The following UBE2D2 variants were observed in gnomAD, a reference collection of about 807,000 sequenced individuals.
UBE2D2 encodes the protein ubiquitin conjugating enzyme E2 D2, also known as ubiquitin-conjugating enzyme E2 D2.
A neutral mutation model predicts 24.2 loss-of-function variants in UBE2D2; 2 were observed. The observed-to-expected ratio is 0.08, with a 90% CI of 0.03 to 0.26. The LOEUF (loss-of-function observed/expected upper bound fraction) is 0.26, where lower values mean the gene tolerates loss of function less well. Ranked by LOEUF, UBE2D2 falls within the 10% of genes least tolerant of loss-of-function variation. The pLI is 1.00. For missense variants in UBE2D2, 44 were observed against 177.6 expected, an observed-to-expected ratio of 0.25 and a Z score of 4.28; for synonymous variants, 58 against 56.5, an observed-to-expected ratio of 1.03 and a Z score of -0.12.
At chr5:139,590,855 C>T (rs1753832556) in intron 1 of UBE2D2, among the ~76,000 whole-genome samples, 1 of 122,258 alleles carries the variant, frequency 8.2e-6, no homozygotes, top group Non-Finnish European at 1.6e-5. Flanking sequence ...AGTGCAGTGG[C>T]GCGATCTTGG....
chr5:139,561,933 C>A, intron 1 of UBE2D2, 118 bp downstream of exon 1: 1 of 1,365,270 alleles, frequency 7.3e-7, no homozygotes, highest in Non-Finnish European at 9.6e-7. Context: ...GGTGCTGGCC[C>A]CTCGGGGCGG....
upstream of UBE2D2, among the ~76,000 whole-genome samples, chr5:139,557,346 G>A (rs796675605): frequency 2.6e-4 from 40 of 151,980 alleles, 1 homozygote; most frequent in African/African-American, 9.2e-4. Context: ...TGTTGGCCAG[G>A]TCAGTCTTGA....
At chr5:139,552,570 G>A (rs1333169862) in intron 1 of UBE2D2, among the ~76,000 whole-genome samples, 2 of 145,456 alleles carry the variant, frequency 1.4e-5, no homozygotes, top group South Asian at 2.2e-4. Flanking sequence ...GTGCAATGGC[G>A]AGATCTCGGC....
At position 139,576,967 on chromosome 5, in the gene UBE2D2, ATTT is replaced by A. The variant is rs57930268; in HGVS notation, c.24+15167_24+15169del. Among the ~76,000 whole-genome samples, 892 of 96,720 alleles carry A rather than the reference ATTT, an allele frequency of 9.2e-3. 10 individuals carry two copies. The highest frequency in any genetic ancestry group is 0.032 in the African/African-American group (795 of 24,530). 63.5% of individuals were successfully genotyped at this position (96,720 alleles called of 152,430 possible). On this transcript the variant is annotated intron_variant, in intron 1 of 6. Transcript: ENST00000398733. ...CCTTTTTTTTTTTTTTTTAACTTGA[ATTT>A]TTTTTTTTTTTTTTGCTCTTATGTT... is the stretch of plus-strand genomic sequence containing the variant.
chr5:139,564,918 AT>A (rs552136144), intron 1 of UBE2D2, among the ~76,000 whole-genome samples: 5 of 151,038 alleles, frequency 3.3e-5, no homozygotes, highest in South Asian at 2.1e-4. Flanking sequence ...ATGGAGATTA[AT>A]TTTTTTTTTC....
rs192989374 is a variant in UBE2D2 at position 139,604,824 on chromosome 5, G to A, written c.88+4389G>A. 3.6e-3 allele frequency among the ~76,000 whole-genome samples: 545 copies of A among 151,450 alleles called. 8 individuals are homozygous for A. The highest frequency in any genetic ancestry group is 2.8e-3 in the Non-Finnish European group (187 of 67,960). ...GAGCCCAGAAGTTTGAGGCTGCAGT[G>A]AGCTATGATTTGGCCACTATACTCT... On this transcript the variant is annotated intron_variant, in intron 2 of 6. Transcript: ENST00000398733.
At chr5:139,553,529 C>T (rs938118139) in intron 1 of UBE2D2, among the ~76,000 whole-genome samples, 6 of 152,110 alleles carry the variant, frequency 3.9e-5, no homozygotes, top group African/African-American at 1.4e-4. Flanking sequence ...ACTAGGTTAA[C>T]AACCAAGAGG....
At chr5:139,621,065 C>G (rs1031558858) in intron 5 of UBE2D2, among the ~76,000 whole-genome samples, 2 of 152,074 alleles carry the variant, frequency 1.3e-5, no homozygotes, top group Non-Finnish European at 1.5e-5. Context: ...GCCAACATGG[C>G]AAAACCCAAC....
chr5:139,573,027 C>T (rs899202760), intron 1 of UBE2D2, among the ~76,000 whole-genome samples: 1 of 151,850 alleles, frequency 6.6e-6, no homozygotes, highest in African/African-American at 2.4e-5. Context: ...TGAGGCTGGG[C>T]GCGGTGGCTC....
intron 1 of UBE2D2, among the ~76,000 whole-genome samples, chr5:139,548,185 AAAAAAAAAAAAT>A (rs1752861703): frequency 3.8e-5 from 1 of 26,244 alleles, no homozygotes. Context: ...AAAAAAAAAT[AAAAAAAAAAAAT>A]AAATAAATAA....
rs1449582543 is a variant in UBE2D2, at chr5:139,561,533, T to TACGGCG, written c.-258_-253dup. The TACGGCG allele has an allele frequency of 1.7e-5, 7 of 417,740 alleles. No individual in the cohort carries two copies. The highest frequency in any genetic ancestry group is 3.0e-5 in the Non-Finnish European group (7 of 237,204). The allele number at this position is 417,740 out of a possible 1,614,324, so 25.9% of individuals were successfully genotyped here. A position where few individuals can be genotyped will look rare whatever the true frequency, so the allele number is the denominator to read the frequency against. The stretch of plus-strand genomic sequence containing the variant: ...GCTGATCCTGGGAGGAAGAGGCAGC[T>TACGGCG]ACGGCGGCGGCGGCGGTGGCGGCTA... On this transcript the variant is annotated 5_prime_UTR_variant, in exon 1 of 7. Transcript: ENST00000398733.
At chr5:139,580,982 C>T (rs938153835) in intron 1 of UBE2D2, among the ~76,000 whole-genome samples, 6 of 152,068 alleles carry the variant, frequency 3.9e-5, no homozygotes, top group South Asian at 2.1e-4. Flanking sequence ...TGGGCTTTAC[C>T]GTAGTACTTA....
Position 139,614,759 on chromosome 5 carries a change from C to A in UBE2D2, c.183C>A (p.Pro61=). Residue 61 remains proline (P), a synonymous_variant, in exon 4 of 7, where the codon CCC becomes CCA. Coordinates refer to ENST00000398733, the MANE Select transcript of UBE2D2 (RefSeq NM_003339.3). ...FLTIHFPTDY[P]FKPPKVAFTT... The stretch of plus-strand genomic sequence containing the variant: ...CAATTCATTTCCCAACAGATTACCC[C>A]TTCAAACCACCTAAGGTAATTAATT... The A allele has an allele frequency of 6.2e-7, 1 of 1,613,850 alleles. No individual in the cohort carries two copies. The highest frequency in any genetic ancestry group is 8.5e-7 in the Non-Finnish European group (1 of 1,179,854).
chr5:139,593,431 G>C (rs558686647), intron 1 of UBE2D2, among the ~76,000 whole-genome samples: 64 of 151,836 alleles, frequency 4.2e-4, no homozygotes, highest in Non-Finnish European at 7.8e-4. Context: ...ATTGGGAATA[G>C]GTCTAAATGA....
rs143277992 is a variant in UBE2D2 at position 139,575,225 on chromosome 5, G to GT, written c.24+13412dup. Among the ~76,000 whole-genome samples the GT allele has an allele frequency of 2.6e-3, 399 of 152,288 alleles. 2 individuals are homozygous for GT. The highest frequency in any genetic ancestry group is 9.3e-3 in the African/African-American group (386 of 41,546). ...CTTTCACCTTTGCAGTGAACAACAT[G>GT]TTGGGCTTTGTCAATAGAGGGCACT... On this transcript the variant is annotated intron_variant, in intron 1 of 6. Transcript: ENST00000398733.
upstream of UBE2D2, among the ~76,000 whole-genome samples, chr5:139,558,609 G>A (rs746448097): frequency 1.3e-4 from 20 of 151,960 alleles, no homozygotes; most frequent in Non-Finnish European, 2.6e-4. Flanking sequence ...TATTTTCAAG[G>A]TAGATTACCA....
At chr5:139,543,053 T>C (rs953327467) in intron 1 of UBE2D2, among the ~76,000 whole-genome samples, 7 of 152,048 alleles carry the variant, frequency 4.6e-5, no homozygotes, top group African/African-American at 1.4e-4. Flanking sequence ...CGCGCCACCA[T>C]GCCTGGCTAA....
At chr5:139,616,256 C>A (rs920406842) in intron 5 of UBE2D2, among the ~76,000 whole-genome samples, 13 of 150,848 alleles carry the variant, frequency 8.6e-5, no homozygotes, top group Non-Finnish European at 1.6e-4. Flanking sequence ...ACCCAGGAGG[C>A]GGAGGTTGCA....
chr5:139,533,656 A>G (rs1230608910), intron 1 of UBE2D2, among the ~76,000 whole-genome samples: 1 of 151,958 alleles, frequency 6.6e-6, no homozygotes, highest in Non-Finnish European at 1.5e-5. Context: ...CGTCTCAAAA[A>G]AAAAAGAAAA....
Sources: allele counts gnomAD v4.1 joint callset (sites outside exome capture counted in the v4.1 genomes callset), GRCh38; gene constraint gnomAD v4.1.1; transcripts MANE v1.5; gene names NCBI Gene and HGNC (gene_info 2026-07-23, HGNC 2026-07-21).